Variants in ZMAT4 observed in about 807,000 individuals in gnomAD.
ZMAT4 encodes zinc finger matrin-type protein 4.
ZMAT4 carries 17 observed loss-of-function variants against 28.7 expected under a neutral mutation model. That is an observed-to-expected ratio of 0.59 (90% CI 0.41 to 0.89). The LOEUF is 0.89. Among genes scored for constraint, ZMAT4 ranks in the 40% least tolerant of loss-of-function variants. The pLI is 0.00. For synonymous variants in ZMAT4, 117 were observed against 109.2 expected, an observed-to-expected ratio of 1.07 and a Z score of -0.44; for missense variants, 240 against 283.8, an observed-to-expected ratio of 0.85 and a Z score of 1.11.
At chr8:40,720,521 A>ATTTTT (rs1172368304) in intron 3 of ZMAT4, among the ~76,000 whole-genome samples, 1 of 142,008 alleles carries the variant, frequency 7.0e-6, no homozygotes, top group South Asian at 2.3e-4. Context: ...CCTGGGTAGA[A>ATTTTT]TCTTTTTTTT....
intron 6 of ZMAT4, among the ~76,000 whole-genome samples, chr8:40,566,077 A>G (rs1397079533): frequency 6.6e-6 from 1 of 152,200 alleles, no homozygotes; most frequent in Admixed American, 6.5e-5. Flanking sequence ...TTCAGAGCCT[A>G]GCACAGAGTG....
In ZMAT4 at chr8:40,603,337, T is replaced by C. The variant is rs547836766; in HGVS notation, c.578-22076A>G. Among the ~76,000 whole-genome samples the C allele has an allele frequency of 2.0e-5, 3 of 152,328 alleles. No homozygotes were observed. The East Asian group carries it at 5.8e-4, about 29-fold the overall frequency. On this transcript the variant is annotated intron_variant, in intron 5 of 6. Coordinates refer to ENST00000297737, the MANE Select transcript of ZMAT4 (RefSeq NM_024645.3). ...TTTTGGTGACCATAGTCTTATATTA[T>C]ACTTTGAAGTCAGGTAATGTGATGT...
intron 6 of ZMAT4, among the ~76,000 whole-genome samples, chr8:40,572,207 T>C (rs1804121640): frequency 1.3e-5 from 2 of 152,278 alleles, no homozygotes; most frequent in South Asian, 2.1e-4. Flanking sequence ...TTCCAAAATA[T>C]TGAAAACAAA....
intron 1 of ZMAT4, among the ~76,000 whole-genome samples, chr8:40,858,917 T>C (rs1359767995): frequency 6.6e-6 from 1 of 152,204 alleles, no homozygotes. Context: ...AACAGCCATG[T>C]TTACGATCCA....
At chr8:40,877,195 G>T (rs1563260754) in intron 1 of ZMAT4, among the ~76,000 whole-genome samples, 2 of 152,188 alleles carry the variant, frequency 1.3e-5, no homozygotes, top group African/African-American at 4.8e-5. Context: ...ACAGTGGTCA[G>T]GGGCAGATCC....
At chr8:40,685,907 T>G (rs2150483435) in intron 4 of ZMAT4, among the ~76,000 whole-genome samples, 1 of 152,262 alleles carries the variant, frequency 6.6e-6, no homozygotes. Flanking sequence ...GAGCTCAGAA[T>G]GGCTTGGGGT....
At chr8:40,894,181 C>T (rs947191613) in intron 1 of ZMAT4, among the ~76,000 whole-genome samples, 1 of 152,202 alleles carries the variant, frequency 6.6e-6, no homozygotes, top group Non-Finnish European at 1.5e-5. Context: ...GTGGGACTCT[C>T]CAGGTGTCAG....
intron 2 of ZMAT4, among the ~76,000 whole-genome samples, chr8:40,810,923 G>A (rs1349517481): frequency 1.3e-5 from 2 of 152,086 alleles, no homozygotes; most frequent in Admixed American, 6.6e-5. Context: ...TTTAAAAGTT[G>A]TTCAAGCTTT....
At chr8:40,690,703 A>G (rs1809622679) in intron 4 of ZMAT4, among the ~76,000 whole-genome samples, 1 of 152,134 alleles carries the variant, frequency 6.6e-6, no homozygotes, top group Non-Finnish European at 1.5e-5. Flanking sequence ...TTTCAAGCAG[A>G]TATAGACTAC....
At chr8:40,632,963 A>C (rs1056599969) in intron 5 of ZMAT4, among the ~76,000 whole-genome samples, 2 of 152,112 alleles carry the variant, frequency 1.3e-5, no homozygotes, top group African/African-American at 4.8e-5. Context: ...GAGCTTGTTC[A>C]ATGTCCCAGA....
At chr8:40,815,029 CT>C (rs1815475006) in intron 2 of ZMAT4, among the ~76,000 whole-genome samples, 3 of 152,254 alleles carry the variant, frequency 2.0e-5, no homozygotes, top group South Asian at 4.2e-4. Flanking sequence ...AATCCCAGCA[CT>C]TTGGGAGGCC....
intron 2 of ZMAT4, among the ~76,000 whole-genome samples, chr8:40,798,527 G>T (rs1814689046): frequency 6.6e-6 from 1 of 152,192 alleles, no homozygotes; most frequent in Non-Finnish European, 1.5e-5. Flanking sequence ...ATTCCACTGT[G>T]AAGAGCTGCC....
At chr8:40,863,890 CACTT>C (rs1233505877) in intron 1 of ZMAT4, among the ~76,000 whole-genome samples, 1 of 152,160 alleles carries the variant, frequency 6.6e-6, no homozygotes, top group East Asian at 1.9e-4. Flanking sequence ...TTTATTACAA[CACTT>C]ACCTATATCA....
Position 40,571,563 on chromosome 8 carries a change from A to T in ZMAT4, c.674+9602T>A, listed in dbSNP as rs1804099700. ...GGCCCAAAGGCTGTGACACAGCCTC[A>T]TTCCTGTCGTTGTCACAGTGATGCT... On this transcript the variant is annotated intron_variant, in intron 6 of 6. Coordinates refer to ENST00000297737, the MANE Select transcript of ZMAT4 (RefSeq NM_024645.3). 2.6e-5 allele frequency among the ~76,000 whole-genome samples: 4 copies of T among 152,150 alleles called. No homozygotes were observed. The South Asian group carries it at 8.3e-4, about 32-fold the overall frequency.
chr8:40,772,958 G>A (rs978226618), intron 2 of ZMAT4, among the ~76,000 whole-genome samples: 1 of 152,158 alleles, frequency 6.6e-6, no homozygotes, highest in African/African-American at 2.4e-5. Flanking sequence ...CACACAGGAT[G>A]AAATGAAAGG....
At chr8:40,824,477 G>T (rs576693266) in intron 2 of ZMAT4, among the ~76,000 whole-genome samples, 63 of 152,010 alleles carry the variant, frequency 4.1e-4, no homozygotes, top group African/African-American at 1.5e-3. Context: ...AAGTAAGAAA[G>T]AAAAGAAAAG....
At chr8:40,577,399 A>G (rs761012918) in intron 6 of ZMAT4, among the ~76,000 whole-genome samples, 5 of 152,202 alleles carry the variant, frequency 3.3e-5, no homozygotes, top group Non-Finnish European at 7.4e-5. Flanking sequence ...CCAGGAGGAC[A>G]TTATGTTAAG....
chr8:40,855,442 C>G (rs1817261975), intron 1 of ZMAT4, among the ~76,000 whole-genome samples: 1 of 152,092 alleles, frequency 6.6e-6, no homozygotes, highest in Admixed American at 6.5e-5. Flanking sequence ...TAAAAACTGT[C>G]TCTCTCCACA....
At chr8:40,728,540 A>G (rs1031209200) in intron 3 of ZMAT4, among the ~76,000 whole-genome samples, 2 of 152,152 alleles carry the variant, frequency 1.3e-5, no homozygotes, top group African/African-American at 2.4e-5. Context: ...ATCACTGACC[A>G]CTACTAACTA....
Sources: gnomAD v4.1 joint callset for allele counts (sites outside exome capture counted in the v4.1 genomes callset) on GRCh38, gnomAD v4.1.1 for gene constraint, MANE v1.5 for transcripts, NCBI Gene and HGNC (gene_info 2026-07-23, HGNC 2026-07-21) for gene names.